Variants in MMP26 observed in about 807,000 individuals in gnomAD.
MMP26 encodes matrix metalloproteinase-26.
Under a neutral mutation model 31.0 loss-of-function variants are expected in MMP26, and 33 were observed. The observed-to-expected ratio is 1.06, with a 90% CI of 0.81 to 1.42. MMP26 has a LOEUF of 1.42. MMP26 is among the 40% of genes most tolerant of loss of function. The pLI, the probability that MMP26 is intolerant of heterozygous loss-of-function variation, is 0.00. For missense variants in MMP26, 347 were observed against 316.1 expected (o/e 1.10, Z -0.74); for synonymous variants, 122 against 114.9 (o/e 1.06, Z -0.40).
rs960210348 is a variant in MMP26 at position 4,950,193 on chromosome 11, T to C, written c.-144-37875T>C. On this transcript the variant is annotated intron_variant, in intron 2 of 7. Transcript: ENST00000380390. Reference sequence around the variant, plus strand: ...ATTCAAGGTAAAACAAAAAATCTTGTAGAAAAACTATGGTAATATTTTCAT... The same window carrying C: ...ATTCAAGGTAAAACAAAAAATCTTGCAGAAAAACTATGGTAATATTTTCAT... Among the ~76,000 whole-genome samples, 3 of 123,580 alleles carry C rather than the reference T, an allele frequency of 2.4e-5. 1 individual carries two copies. Among genetic ancestry groups the C allele is most frequent in the Non-Finnish European group, 5.5e-5 (3 of 54,434 alleles). The allele number at this position is 123,580 out of a possible 152,430, so 81.1% of individuals were successfully genotyped here.
intron 2 of MMP26, among the ~76,000 whole-genome samples, chr11:4,819,593 T>TTTTTTTTTTTTTTTTG (rs1849466978): frequency 8.1e-6 from 1 of 123,312 alleles, no homozygotes; most frequent in Non-Finnish European, 1.8e-5. Context: ...TTTTTTTTTT[T>TTTTTTTTTTTTTTTTG]TTTGAGACAG....
intron 2 of MMP26, among the ~76,000 whole-genome samples, chr11:4,880,112 C>T (rs1850437914): frequency 6.6e-6 from 1 of 152,080 alleles, no homozygotes; most frequent in South Asian, 2.1e-4. Flanking sequence ...GTCTGAGTTG[C>T]TGATGGGTTC....
rs756714643 is a variant in MMP26, at chr11:4,898,801, T to C, written c.-144-89267T>C. ...TCTTTAAATTAGAGTTTATTAGAAA[T>C]TTAAGAAATCTCTCTCTCTCTCTCT... On this transcript the variant is annotated intron_variant, in intron 2 of 7. Transcript: ENST00000380390. Among the ~76,000 whole-genome samples the C allele has an allele frequency of 3.6e-4, 54 of 150,050 alleles. 1 individual carries two copies. The highest frequency in any genetic ancestry group is 3.1e-4 in the Non-Finnish European group (21 of 67,684).
chr11:4,952,028 T>A (rs2034832), intron 2 of MMP26, among the ~76,000 whole-genome samples: 120,620 of 122,616 alleles, frequency 0.98, 59,748 homozygotes, highest in Middle Eastern at 1. Flanking sequence ...CAAGTCTGTC[T>A]GCTGTTATGA....
At chr11:4,769,419 G>T in intron 2 of MMP26, 2 of 1,613,700 alleles carry the variant, frequency 1.2e-6, no homozygotes, top group Non-Finnish European at 1.7e-6. Context: ...AAATAGAGAG[G>T]CTTAAGGAGC....
chr11:4,962,770 C>T (rs936684425), intron 2 of MMP26, among the ~76,000 whole-genome samples: 14 of 152,136 alleles, frequency 9.2e-5, no homozygotes, highest in African/African-American at 3.4e-4. Flanking sequence ...AGTTGGGGTA[C>T]TGGCATGCAT....
At chr11:4,752,525 C>A (rs1490096096) in intron 1 of MMP26, 1 of 152,144 alleles carries the variant, frequency 6.6e-6, no homozygotes, top group Non-Finnish European at 1.5e-5. Context: ...TGACAGTCCC[C>A]CTGGTAATGA....
intron 1 of MMP26, among the ~76,000 whole-genome samples, chr11:4,714,648 GC>G (rs1240238022): frequency 6.6e-6 from 1 of 152,112 alleles, no homozygotes; most frequent in African/African-American, 2.4e-5. Context: ...GAGAACTCCG[GC>G]TAGCTCTAGG....
intron 2 of MMP26, chr11:4,821,308 A>G: frequency 8.4e-7 from 1 of 1,188,804 alleles, no homozygotes; most frequent in Non-Finnish European, 1.2e-6. Context: ...TTTGAAAATT[A>G]GAAATAATAA....
chr11:4,810,622 A>T (rs1363673218), intron 2 of MMP26, among the ~76,000 whole-genome samples: 2 of 152,210 alleles, frequency 1.3e-5, no homozygotes, highest in Non-Finnish European at 2.9e-5. Flanking sequence ...CATCGATTAG[A>T]GTATCAGTGT....
At chr11:4,862,810 A>G (rs1850181467) in intron 2 of MMP26, among the ~76,000 whole-genome samples, 1 of 152,212 alleles carries the variant, frequency 6.6e-6, no homozygotes, top group South Asian at 2.1e-4. Context: ...AAGGTAGTGT[A>G]GTCCACTCAC....
At chr11:4,973,095 G>A (rs1330626702) in intron 2 of MMP26, 36 of 188,022 alleles carry the variant, frequency 1.9e-4, no homozygotes, top group Non-Finnish European at 1.2e-5. Flanking sequence ...TTGGCAAACC[G>A]GTAGATGACA....
At chr11:4,711,175 A>G (rs1442647973) in intron 1 of MMP26, 1 of 152,218 alleles carries the variant, frequency 6.6e-6, no homozygotes, top group Non-Finnish European at 1.5e-5. Flanking sequence ...GAACATGTGG[A>G]AACTGCTTAA....
chr11:4,988,157 C>G lies in MMP26; in HGVS notation c.-55C>G. ...TGTTGCTGGCACAGCTATAAAGATC[C>G]AGTGGCCCAAGTTGTGTACCTGAAT... On this transcript the variant is annotated 5_prime_UTR_variant, in exon 3 of 8. Coordinates refer to ENST00000380390, the MANE Select transcript of MMP26 (RefSeq NM_021801.5). 1 of 1,487,688 alleles carries G rather than the reference C, an allele frequency of 6.7e-7. No homozygotes were observed. The highest frequency in any genetic ancestry group is 1.7e-5 in the Admixed American group (1 of 59,858). 92.2% of individuals were successfully genotyped at this position (1,487,688 alleles called of 1,614,324 possible). A position where few individuals can be genotyped will look rare whatever the true frequency, so the allele number is the denominator to read the frequency against.
In MMP26 at chr11:4,923,964, C is replaced by A; in HGVS notation, c.-144-64104C>A. 2.5e-6 allele frequency: 4 copies of A among 1,614,018 alleles called. No individual in the cohort carries two copies. The highest frequency in any genetic ancestry group is 3.4e-6 in the Non-Finnish European group (4 of 1,180,024). On this transcript the variant is annotated intron_variant, in intron 2 of 7. Transcript: ENST00000380390. ...TCATGCAGTGGGTTGCAGACGGCCA[C>A]GTAGCGGTCAATGGACATGGATAAC...
chr11:4,936,413 T>C lies in MMP26; in HGVS notation c.-144-51655T>C, dbSNP rs11034726. On this transcript the variant is annotated intron_variant, in intron 2 of 7. Coordinates refer to ENST00000380390, the MANE Select transcript of MMP26 (RefSeq NM_021801.5). Reference sequence around the variant, plus strand: ...ATGGTAGTTTGTATTTCTGTAGGATTGGTGGTGATATCCCCTTTATCATTT... The same window carrying C: ...ATGGTAGTTTGTATTTCTGTAGGATCGGTGGTGATATCCCCTTTATCATTT... Among the ~76,000 whole-genome samples, 321 of 152,150 alleles carry C rather than the reference T, an allele frequency of 2.1e-3. 1 individual carries two copies. The highest frequency in any genetic ancestry group is 3.8e-3 in the Non-Finnish European group (257 of 67,966).
chr11:4,722,607 T>G, intron 1 of MMP26: 1 of 502,150 alleles, frequency 2.0e-6, no homozygotes, highest in Non-Finnish European at 3.6e-6. Context: ...CCCCCGTGGG[T>G]GGGCTGAGGG....
chr11:4,802,538 C>G (rs924606287), intron 2 of MMP26, among the ~76,000 whole-genome samples: 8 of 151,966 alleles, frequency 5.3e-5, no homozygotes, highest in African/African-American at 1.9e-4. Flanking sequence ...TAAAAATGGA[C>G]CTGGACCTGC....
intron 2 of MMP26, among the ~76,000 whole-genome samples, chr11:4,806,030 T>A (rs1019431912): frequency 6.6e-6 from 1 of 151,978 alleles, no homozygotes; most frequent in South Asian, 2.1e-4. Flanking sequence ...CTAATACATG[T>A]CTCATTCACT....
Sources: allele counts gnomAD v4.1 joint callset (sites outside exome capture counted in the v4.1 genomes callset), GRCh38; gene constraint gnomAD v4.1.1; transcripts MANE v1.5; gene names NCBI Gene and HGNC (gene_info 2026-07-23, HGNC 2026-07-21).